Variants in UCHL5 observed in about 807,000 individuals in gnomAD.
UCHL5 encodes ubiquitin carboxyl-terminal hydrolase isozyme L5.
In UCHL5, 34 loss-of-function variants were observed where a neutral mutation model predicts 53.8. The observed-to-expected ratio is 0.63, with a 90% CI of 0.48 to 0.84. The LOEUF (loss-of-function observed/expected upper bound fraction) is 0.84. UCHL5 is among the 40% of genes least tolerant of loss of function. UCHL5 has a pLI of 0.00. For synonymous variants in UCHL5, 111 were observed against 126.3 expected, an observed-to-expected ratio of 0.88 and a Z score of 0.81; for missense variants, 290 against 385.6, an observed-to-expected ratio of 0.75 and a Z score of 2.08.
chr1:193,038,475 C>T (rs1362259095), intron 3 of UCHL5, among the ~76,000 whole-genome samples: 4 of 148,260 alleles, frequency 2.7e-5, no homozygotes, highest in East Asian at 3.9e-4. Context: ...AAAAAAACCA[C>T]AGTCTTTCCT....
At chr1:193,027,769 T>G (rs999957178) in intron 7 of UCHL5, 6 of 494,334 alleles carry the variant, frequency 1.2e-5, no homozygotes, top group Non-Finnish European at 2.1e-5. Context: ...GATGACATAC[T>G]ACTACATGAA....
chr1:193,059,713 C>T (rs746248721), upstream of UCHL5: 2 of 1,353,302 alleles, frequency 1.5e-6, no homozygotes, highest in South Asian at 1.2e-5. This position sits in a 1 kb window ranked among gnomAD's most constrained non-coding sequence, Gnocchi z 4.9. Context: ...TTGTCGTTTC[C>T]CAGCGCTGCG....
rs1281270229 is a variant in UCHL5 at position 193,023,012 on chromosome 1, T to C, written c.757A>G (p.Asn253Asp). The C allele has an allele frequency of 6.2e-7, 1 of 1,613,068 alleles. No individual in the cohort carries two copies. The highest frequency in any genetic ancestry group is 8.5e-7 in the Non-Finnish European group (1 of 1,179,460). The change falls in exon 9 of 11, where the codon AAT becomes GAT. Residue 253 changes from asparagine to aspartate, a missense_variant. Transcript: ENST00000367454. ...GACTGAATAGCACTTAACATACTAT[T>C]ACCTTGATCTGTATCCATGGGTTCC... ...AEEPMDTDQGNSMLSAIQSEV... is the reference protein window; with the variant it reads ...AEEPMDTDQGDSMLSAIQSEV...
chr1:193,055,808 C>T (rs1670450157), intron 1 of UCHL5, among the ~76,000 whole-genome samples: 1 of 152,150 alleles, frequency 6.6e-6, no homozygotes, highest in Non-Finnish European at 1.5e-5. Flanking sequence ...AAAATTTGTA[C>T]ATTTAAGTTA....
At chr1:193,051,850 G>C in intron 1 of UCHL5, 33 bp from the exon 2 acceptor site, 1 of 1,478,126 alleles carries the variant, frequency 6.8e-7, no homozygotes, top group Non-Finnish European at 9.3e-7. Context: ...TCAGTAAACA[G>C]GATAATTCAT....
At chr1:193,045,565 A>G (rs1200409682) in intron 3 of UCHL5, among the ~76,000 whole-genome samples, 1 of 152,216 alleles carries the variant, frequency 6.6e-6, no homozygotes, top group African/African-American at 2.4e-5. Context: ...CCTCCCAAGA[A>G]GCCGAGCAGA....
Position 193,029,546 on chromosome 1 carries a change from T to C in UCHL5, c.358A>G (p.Ser120Gly). 6.2e-7 allele frequency: 1 copy of C among 1,613,586 alleles called. No homozygotes were observed. The highest frequency in any genetic ancestry group is 1.3e-5 in the African/African-American group (1 of 75,012). The change falls in exon 4 of 11, where the codon AGT becomes GGT. Residue 120 changes from serine to glycine, a missense_variant. Ser to Gly is a moderately conservative substitution (Grantham distance 56). Coordinates refer to ENST00000367454, the MANE Select transcript of UCHL5 (RefSeq NM_001199261.3). ...TLSEFKEFSQ[S>G]FDAAMKGLAL... The stretch of plus-strand genomic sequence containing the variant: ...ATTGTACTCACAGCTGCATCAAAAC[T>C]TTGTGAAAATTCTTTAAACTCTGAT...
intron 3 of UCHL5, among the ~76,000 whole-genome samples, chr1:193,043,160 A>AAAAAAAAAAAAAAAAAAAAAAAAAC: frequency 7.0e-6 from 1 of 143,162 alleles, no homozygotes; most frequent in Non-Finnish European, 1.5e-5. Context: ...TTAAAAAAAA[A>AAAAAAAAAAAAAAAAAAAAAAAAAC]AAAAAAAAAA....
chr1:193,049,966 T>C, intron 2 of UCHL5, 115 bp from the exon 3 acceptor site: 1 of 896,780 alleles, frequency 1.1e-6, no homozygotes, highest in Non-Finnish European at 1.6e-6. Flanking sequence ...GAAGTAAATA[T>C]GGGAAATTTT....
chr1:193,043,153 A>T lies in UCHL5; in HGVS notation c.246+6593T>A, dbSNP rs937233797. Reference sequence around the variant, plus strand: ...GAGCCTTGACAGCTCTTGAATATTAAAAAAAAAAAAAAAAAAAAAAAAACC... The same window carrying T: ...GAGCCTTGACAGCTCTTGAATATTATAAAAAAAAAAAAAAAAAAAAAAACC... On this transcript the variant is annotated intron_variant, in intron 3 of 10. Coordinates refer to ENST00000367454, the MANE Select transcript of UCHL5 (RefSeq NM_001199261.3). Among the ~76,000 whole-genome samples the T allele has an allele frequency of 5.4e-3, 443 of 81,656 alleles. 10 individuals are homozygous for T. Among genetic ancestry groups the T allele is most frequent in the South Asian group, 0.027 (66 of 2,418 alleles). 53.6% of individuals were successfully genotyped at this position (81,656 alleles called of 152,430 possible).
chr1:193,016,770 T>A (rs1484222175), intron 10 of UCHL5, among the ~76,000 whole-genome samples: 5 of 151,820 alleles, frequency 3.3e-5, no homozygotes, highest in African/African-American at 1.2e-4. Flanking sequence ...AAATCTTACA[T>A]TAGTTTCTGC....
rs1297023495 is a variant in UCHL5, at chr1:193,014,481, T to C, written c.*1870A>G. On this transcript the variant is annotated 3_prime_UTR_variant, in exon 11 of 11. Coordinates refer to ENST00000367454, the MANE Select transcript of UCHL5 (RefSeq NM_001199261.3). ...TCTGATGAGCTCTAATTTTGGATCT[T>C]TTATGGTTACTGCTTTCTGTGACCT... 5 of 152,186 alleles carry C rather than the reference T, an allele frequency of 3.3e-5. No homozygotes were observed. Among genetic ancestry groups the C allele is most frequent in the Admixed American group, 6.6e-5 (1 of 15,262 alleles). 9.4% of individuals were successfully genotyped at this position (152,186 alleles called of 1,614,324 possible).
intron 7 of UCHL5, among the ~76,000 whole-genome samples, chr1:193,026,133 T>C (rs1168475424): frequency 2.7e-5 from 4 of 147,756 alleles, no homozygotes; most frequent in Non-Finnish European, 6.0e-5. Flanking sequence ...TGTCATACCA[T>C]ATACAAAAAT....
In UCHL5 at chr1:193,016,357, G is replaced by C; in HGVS notation, c.981C>G (p.Thr327=). The change falls in exon 11 of 11, where the codon ACC becomes ACG. Residue 327 remains threonine (T), a synonymous_variant. Coordinates refer to ENST00000367454, the MANE Select transcript of UCHL5 (RefSeq NM_001199261.3). ...EKQNAKKAQE[T]K ...TACATATCTGAAAACATCTTCATTT[G>C]GTTTCCTGAGCTTTCTTTGCGTTCT... is the stretch of plus-strand genomic sequence containing the variant. 3 of 1,603,024 alleles carry C rather than the reference G, an allele frequency of 1.9e-6. No individual in the cohort carries two copies. The highest frequency in any genetic ancestry group is 2.5e-6 in the Non-Finnish European group (3 of 1,176,660).
At position 193,059,049 on chromosome 1, in the gene UCHL5, T is replaced by G; in HGVS notation, c.76+136A>C. 1 of 851,540 alleles carries G rather than the reference T, an allele frequency of 1.2e-6. No homozygotes were observed. Among genetic ancestry groups the G allele is most frequent in the Non-Finnish European group, 1.8e-6 (1 of 563,168 alleles). 52.7% of individuals were successfully genotyped at this position (851,540 alleles called of 1,614,324 possible). On this transcript the variant is annotated intron_variant, in intron 1 of 10. Transcript: ENST00000367454. The surrounding 1 kb of genome is among the most constrained non-coding windows in gnomAD (Gnocchi z 4.9). ...TGAGGAGAGGGCAGAACATCTACAT[T>G]TCCCCCACCCGGACTCCAGGTTCCT...
intron 10 of UCHL5, chr1:193,018,928 A>G (rs992440354): frequency 2.0e-5 from 15 of 754,668 alleles, no homozygotes; most frequent in African/African-American, 1.7e-4. Flanking sequence ...TATCACTGGT[A>G]AAGATTTTAT....
At chr1:193,055,903 G>A (rs757032997) in intron 1 of UCHL5, among the ~76,000 whole-genome samples, 3 of 152,142 alleles carry the variant, frequency 2.0e-5, no homozygotes, top group Non-Finnish European at 4.4e-5. Flanking sequence ...CTCAGAAAAT[G>A]AGTTGGGAAG....
chr1:193,043,470 G>A (rs147335911), intron 3 of UCHL5, among the ~76,000 whole-genome samples: 66 of 152,254 alleles, frequency 4.3e-4, no homozygotes, highest in African/African-American at 1.3e-3. Flanking sequence ...TCTCTGACAA[G>A]GTGAAGTCCC....
chr1:193,051,897 G>A, intron 1 of UCHL5, 80 bp from the exon 2 acceptor site: 1 of 1,010,702 alleles, frequency 9.9e-7, no homozygotes, highest in South Asian at 1.6e-5. Context: ...TTAACTAAAG[G>A]AAATGCAACA....
Sources: allele counts gnomAD v4.1 joint callset (sites outside exome capture counted in the v4.1 genomes callset), GRCh38; gene constraint gnomAD v4.1.1; non-coding constraint Gnocchi (gnomAD v3.1); transcripts MANE v1.5; gene names NCBI Gene and HGNC (gene_info 2026-07-23, HGNC 2026-07-21).